Variants in ABR observed in about 807,000 individuals in gnomAD.
ABR encodes the protein active breakpoint cluster region-related protein.
ABR carries 35 observed loss-of-function variants against 107.2 expected under a neutral mutation model. That is an observed-to-expected ratio of 0.33 (90% confidence interval 0.25 to 0.43). The LOEUF (loss-of-function observed/expected upper bound fraction) is 0.43. Among genes scored for constraint, ABR ranks in the 20% least tolerant of loss-of-function variants. The probability of loss-of-function intolerance (pLI) is 1.00; values close to 1 mark genes in which losing one functional copy is unlikely to be tolerated. For synonymous variants in ABR, 498 were observed against 462.0 expected (o/e 1.08, Z -1.00); for missense variants, 815 against 1,115.2 (o/e 0.73, Z 3.83).
chr17:1,211,055 G>A (rs912360283), intron 1 of ABR, among the ~76,000 whole-genome samples: 20 of 152,088 alleles, frequency 1.3e-4, no homozygotes, highest in Admixed American at 5.9e-4. Flanking sequence ...CAAGGCGGAC[G>A]GATCATGAGG....
intron 2 of ABR, among the ~76,000 whole-genome samples, chr17:1,115,908 CAGA>C (rs2038963878): frequency 6.7e-6 from 1 of 149,810 alleles, no homozygotes; most frequent in Non-Finnish European, 1.5e-5. Flanking sequence ...GCCTGGGTGA[CAGA>C]AGGAGACTCT....
At chr17:1,127,174 A>G (rs2039638982) in intron 1 of ABR, among the ~76,000 whole-genome samples, 1 of 152,166 alleles carries the variant, frequency 6.6e-6, no homozygotes, top group African/African-American at 2.4e-5. Flanking sequence ...CTGCCAGGGG[A>G]CATGGACTAG....
At chr17:1,218,728 CTT>C (rs550715496) in intron 1 of ABR, among the ~76,000 whole-genome samples, 72 of 152,326 alleles carry the variant, frequency 4.7e-4, no homozygotes, top group African/African-American at 1.7e-3. Context: ...CGATTTCAAA[CTT>C]TGGCCGATGA....
intron 1 of ABR, among the ~76,000 whole-genome samples, chr17:1,171,102 G>A (rs1047395222): frequency 2.0e-5 from 3 of 152,188 alleles, no homozygotes; most frequent in African/African-American, 7.2e-5. Flanking sequence ...TCAAAAAGAT[G>A]ACGTATGGGC....
chr17:1,027,974 C>A lies in ABR; in HGVS notation c.1792-14810G>T, dbSNP rs2072350484. 6.6e-6 allele frequency among the ~76,000 whole-genome samples: 1 copy of A among 152,020 alleles called. No homozygotes were observed. The highest frequency in any genetic ancestry group is 1.5e-5 in the Non-Finnish European group (1 of 68,002). ...ATGGCCAAGTGAGTGGTAGAGTGAA[C>A]CTCTGGGGTGTGCACGTGGTCTGCA... On this transcript the variant is annotated intron_variant, in intron 16 of 22. Coordinates refer to ENST00000302538, the MANE Select transcript of ABR (RefSeq NM_021962.5). This position sits in a 1 kb window ranked among gnomAD's most constrained non-coding sequence, Gnocchi z 4.7.
chr17:1,210,614 T>G lies in ABR; in HGVS notation c.838+18179A>C, dbSNP rs1244418637. Among the ~76,000 whole-genome samples, 1 of 152,228 alleles carries G rather than the reference T, an allele frequency of 6.6e-6. No homozygotes were observed. Among genetic ancestry groups the G allele is most frequent in the Admixed American group, 6.5e-5 (1 of 15,282 alleles). On this transcript the variant is annotated intron_variant, in intron 1 of 22. Transcript: ENST00000574139. The surrounding 1 kb of genome is among the most constrained non-coding windows in gnomAD (Gnocchi z 5.6). ...ACTATCGTCCAGGTGTCACTCAGCT[T>G]TCTGCTATTGTGTTTGCTCTCAAGC...
At chr17:1,121,827 G>C (rs1045814566) in intron 2 of ABR, among the ~76,000 whole-genome samples, 4 of 152,182 alleles carry the variant, frequency 2.6e-5, no homozygotes, top group African/African-American at 9.6e-5. Context: ...AGGGGAGTTA[G>C]AGCTATCTAG....
At chr17:1,076,429 C>T (rs1158437314) in intron 6 of ABR, among the ~76,000 whole-genome samples, 1 of 152,102 alleles carries the variant, frequency 6.6e-6, no homozygotes, top group South Asian at 2.1e-4. Flanking sequence ...GAAAAAATCA[C>T]ACTGGAGAAC....
chr17:1,173,744 C>T lies in ABR; in HGVS notation c.61+5923G>A, dbSNP rs558800590. 8.5e-5 allele frequency among the ~76,000 whole-genome samples: 13 copies of T among 152,266 alleles called. No homozygotes were observed. In the East Asian group the frequency reaches 1.5e-3, roughly 18 times the overall value. The stretch of plus-strand genomic sequence containing the variant: ...TCAGACAACCAACACCTATGGAGGG[C>T]CTGTGCGGGAGCCGCTGTGGGAGGC... On this transcript the variant is annotated intron_variant, in intron 1 of 22. Coordinates refer to ENST00000302538, the MANE Select transcript of ABR (RefSeq NM_021962.5).
intron 1 of ABR, among the ~76,000 whole-genome samples, chr17:1,146,359 G>T (rs1368073570): frequency 6.6e-6 from 1 of 150,506 alleles, no homozygotes. Flanking sequence ...CGGCCTCTCT[G>T]CTGCCATAAG....
chr17:1,058,650 T>G, intron 11 of ABR, 95 bp downstream of exon 11: 1 of 1,480,744 alleles, frequency 6.8e-7, no homozygotes, highest in Non-Finnish European at 9.0e-7. Context: ...GGGGCCTGAG[T>G]TTCCGGTTCG....
intron 18 of ABR, 74 bp from the exon 19 acceptor site, chr17:1,012,059 A>G (rs750545904): frequency 6.3e-7 from 1 of 1,598,962 alleles, no homozygotes; most frequent in Non-Finnish European, 8.5e-7. Flanking sequence ...CACCCAGCAC[A>G]CACACACCCT....
At chr17:1,107,886 G>A (rs866723410) in intron 2 of ABR, among the ~76,000 whole-genome samples, 1 of 152,208 alleles carries the variant, frequency 6.6e-6, no homozygotes. Context: ...CCGTGGTTCT[G>A]CATCTATTTT....
intron 16 of ABR, among the ~76,000 whole-genome samples, chr17:1,017,430 C>G (rs1182460545): frequency 1.3e-5 from 2 of 151,658 alleles, no homozygotes; most frequent in African/African-American, 2.4e-5. Flanking sequence ...GAGATGCTAC[C>G]CTTGGAAGAA....
At chr17:1,127,910 G>A (rs1300284964) in intron 1 of ABR, among the ~76,000 whole-genome samples, 1 of 152,212 alleles carries the variant, frequency 6.6e-6, no homozygotes, top group East Asian at 1.9e-4. Context: ...GTTCCGCGGG[G>A]AGGCAGTTCT....
intron 1 of ABR, among the ~76,000 whole-genome samples, chr17:1,159,689 G>T (rs62069459): frequency 4.1e-5 from 1 of 24,214 alleles, no homozygotes; most frequent in Admixed American, 4.4e-4. Context: ...CTCACACACA[G>T]GAGAAGCAGG....
At position 1,078,269 on chromosome 17, in the gene ABR, C is replaced by T. The variant is rs2035899102; in HGVS notation, c.700+1061G>A. ...CTCCTTCCTGCTCCCACAGCCCCTC[C>T]GTGTCCTCCGCCTACTGCTGCATGT... On this transcript the variant is annotated intron_variant, in intron 6 of 22. Coordinates refer to ENST00000302538, the MANE Select transcript of ABR (RefSeq NM_021962.5). This position sits in a 1 kb window ranked among gnomAD's most constrained non-coding sequence, Gnocchi z 7.5. 6.6e-6 allele frequency among the ~76,000 whole-genome samples: 1 copy of T among 152,204 alleles called. No individual in the cohort carries two copies. Among genetic ancestry groups the T allele is most frequent in the Non-Finnish European group, 1.5e-5 (1 of 68,030 alleles).
intron 16 of ABR, among the ~76,000 whole-genome samples, chr17:1,033,059 C>T (rs1046453041): frequency 4.6e-5 from 7 of 152,186 alleles, no homozygotes; most frequent in South Asian, 2.1e-4. Flanking sequence ...GGGGAGGTCC[C>T]TCCAAAGCCC....
chr17:1,076,662 T>C (rs1241826201), intron 6 of ABR, among the ~76,000 whole-genome samples: 1 of 135,944 alleles, frequency 7.4e-6, no homozygotes, highest in Admixed American at 8.4e-5. Context: ...AGAGTCCACC[T>C]GAGTAAGGCT....
Sources: gnomAD v4.1 joint callset for allele counts (sites outside exome capture counted in the v4.1 genomes callset) on GRCh38, gnomAD v4.1.1 for gene constraint, Gnocchi (gnomAD v3.1) non-coding constraint, MANE v1.5 for transcripts, NCBI Gene and HGNC (gene_info 2026-07-23, HGNC 2026-07-21) for gene names.